The following TRMT11 variants were observed in gnomAD, a reference collection of about 807,000 sequenced individuals.
The protein encoded by TRMT11 is tRNA methyltransferase 11, also known as tRNA (guanine(10)-N(2))-methyltransferase TRMT11.
A neutral mutation model predicts 62.8 loss-of-function variants in TRMT11; 53 were observed. The observed-to-expected ratio is 0.84, with a 90% CI of 0.68 to 1.06. TRMT11 has a LOEUF of 1.06. TRMT11 is among the 50% of genes least tolerant of loss of function. The probability of loss-of-function intolerance (pLI) is 0.00; values close to 1 mark genes in which losing one functional copy is unlikely to be tolerated. For synonymous variants in TRMT11, 188 were observed against 190.3 expected (o/e 0.99, Z 0.10); for missense variants, 556 against 553.4 (o/e 1.00, Z -0.05).
At chr6:126,139,731 A>G (rs944434819) in intron 21 of TRMT11, among the ~76,000 whole-genome samples, 3 of 152,094 alleles carry the variant, frequency 2.0e-5, no homozygotes, top group African/African-American at 7.2e-5. Context: ...GTGTGTTTTA[A>G]AATGTAAATA....
chr6:126,048,227 T>A (rs904264775), intron 16 of TRMT11, among the ~76,000 whole-genome samples: 1 of 152,178 alleles, frequency 6.6e-6, no homozygotes, highest in South Asian at 2.1e-4. Context: ...ACCAGTGCCA[T>A]TTCAATGGAC....
At chr6:126,028,801 C>G (rs1218540121) in intron 12 of TRMT11, among the ~76,000 whole-genome samples, 1 of 152,142 alleles carries the variant, frequency 6.6e-6, no homozygotes, top group Non-Finnish European at 1.5e-5. Flanking sequence ...TTTAAGATAT[C>G]TGGATCCTGC....
chr6:126,076,542 G>T (rs1222968704), intron 17 of TRMT11, among the ~76,000 whole-genome samples: 1 of 152,132 alleles, frequency 6.6e-6, no homozygotes, highest in African/African-American at 2.4e-5. Flanking sequence ...GGTTGAGTTG[G>T]ATTTCTGCAA....
the TRMT11 span, among the ~76,000 whole-genome samples, chr6:126,223,933 G>T: frequency 6.6e-6 from 1 of 152,060 alleles, no homozygotes; most frequent in Non-Finnish European, 1.5e-5. Flanking sequence ...TGTCTATTTT[G>T]CTGTTAATAC....
At chr6:126,214,472 T>C in the TRMT11 span, among the ~76,000 whole-genome samples, 45 of 152,170 alleles carry the variant, frequency 3.0e-4, no homozygotes, top group African/African-American at 1.0e-3. Flanking sequence ...GTAGGCTGTA[T>C]GTGTCTAGCA....
intron 21 of TRMT11, among the ~76,000 whole-genome samples, chr6:126,152,447 TG>T (rs1253086242): frequency 6.6e-6 from 1 of 152,142 alleles, no homozygotes; most frequent in Non-Finnish European, 1.5e-5. Flanking sequence ...GACAGTGGTT[TG>T]GGAAGTCACT....
chr6:126,091,863 C>G (rs898771853), intron 17 of TRMT11, among the ~76,000 whole-genome samples: 2 of 152,142 alleles, frequency 1.3e-5, no homozygotes, highest in Admixed American at 6.5e-5. Context: ...GCCGTAAAAT[C>G]GCCACATGGA....
chr6:126,009,070 A>G (rs146408504), intron 8 of TRMT11, among the ~76,000 whole-genome samples: 1,941 of 152,074 alleles, frequency 0.013, 46 homozygotes, highest in African/African-American at 0.041. Context: ...TGACCAGTTC[A>G]GACCTATAAT....
At chr6:126,118,256 G>A (rs950828393) in intron 21 of TRMT11, among the ~76,000 whole-genome samples, 54 of 152,046 alleles carry the variant, frequency 3.6e-4, no homozygotes, top group African/African-American at 8.9e-4. Context: ...CCAGCAGCAG[G>A]CCCTCTCGGA....
chr6:126,040,851 T>A (rs1161291030), downstream of TRMT11, among the ~76,000 whole-genome samples: 16 of 152,086 alleles, frequency 1.1e-4, no homozygotes, highest in Admixed American at 1.0e-3. Context: ...TTCTGGTGAG[T>A]ACTTTTTGCT....
intron 21 of TRMT11, among the ~76,000 whole-genome samples, chr6:126,121,009 A>C (rs1554238892): frequency 6.6e-6 from 1 of 152,012 alleles, no homozygotes; most frequent in Non-Finnish European, 1.5e-5. Flanking sequence ...CTCCTATCTC[A>C]GGTTTCTTAG....
At chr6:126,072,146 TC>T in intron 17 of TRMT11, among the ~76,000 whole-genome samples, 2 of 152,262 alleles carry the variant, frequency 1.3e-5, no homozygotes, top group South Asian at 4.2e-4. Flanking sequence ...TCTACTAGGA[TC>T]CCAGCTGACA....
chr6:126,151,809 T>TCTTTCTTTCTTTCTTTAGTTTC (rs1554242205), intron 21 of TRMT11, among the ~76,000 whole-genome samples: 2,659 of 81,448 alleles, frequency 0.033, 129 homozygotes, highest in African/African-American at 0.046. Context: ...CTCTGTCTTT[T>TCTTTCTTTCTTTCTTTAGTTTC]CTTTCTTTCT....
chr6:126,030,828 C>G (rs982426589), intron 12 of TRMT11, among the ~76,000 whole-genome samples: 6 of 152,156 alleles, frequency 3.9e-5, no homozygotes, highest in African/African-American at 1.4e-4. Flanking sequence ...CAACTTCATC[C>G]TCTAGAAAGT....
the TRMT11 span, among the ~76,000 whole-genome samples, chr6:126,262,627 A>T: frequency 6.6e-6 from 1 of 152,182 alleles, no homozygotes; most frequent in Admixed American, 6.5e-5. Flanking sequence ...TACTTGTGTG[A>T]AATTTTGGAT....
chr6:125,998,058 T>C lies in TRMT11; in HGVS notation c.218T>C (p.Ile73Thr). Residue 73 changes from isoleucine (I) to threonine (T), a missense_variant, in exon 4 of 13, where the codon ATA becomes ACA. Transcript: ENST00000334379. The stretch of plus-strand genomic sequence containing the variant: ...ACCAATCATTTATTTCCTAGGTCTA[T>C]ATTTGAACTATGGGGTCATGGACAA... ...LMKRTVCAKS[I>T]FELWGHGQSP... 1 of 1,609,234 alleles carries C rather than the reference T, an allele frequency of 6.2e-7. No individual in the cohort carries two copies. Among genetic ancestry groups the C allele is most frequent in the East Asian group, 2.2e-5 (1 of 44,828 alleles).
At chr6:126,264,526 G>T in the TRMT11 span, among the ~76,000 whole-genome samples, 1 of 152,184 alleles carries the variant, frequency 6.6e-6, no homozygotes, top group East Asian at 1.9e-4. Flanking sequence ...TGTCAATTTA[G>T]CTGGGCCATG....
intron 21 of TRMT11, among the ~76,000 whole-genome samples, chr6:126,143,899 A>C (rs1169948001): frequency 1.3e-5 from 2 of 152,238 alleles, no homozygotes; most frequent in African/African-American, 2.4e-5. Context: ...CTGTGATCTG[A>C]ATTGGAACAC....
intron 21 of TRMT11, among the ~76,000 whole-genome samples, chr6:126,123,474 A>G (rs1201156268): frequency 6.6e-6 from 1 of 152,088 alleles, no homozygotes; most frequent in African/African-American, 2.4e-5. Flanking sequence ...TAGACAAAGG[A>G]AGTGATGGCT....
Sources: allele counts gnomAD v4.1 joint callset (sites outside exome capture counted in the v4.1 genomes callset), GRCh38; gene constraint gnomAD v4.1.1; transcripts MANE v1.5; gene names NCBI Gene and HGNC (gene_info 2026-07-23, HGNC 2026-07-21).